NAV3: variants seen among roughly 807,000 people sequenced by gnomAD.
NAV3 encodes pore membrane and/or filament interacting like protein 1.
NAV3 carries 87 observed loss-of-function variants against 244.7 expected under a neutral mutation model. That is an observed-to-expected ratio of 0.36 (90% CI 0.30 to 0.42). NAV3 has a LOEUF of 0.42. Ranked by LOEUF, NAV3 falls within the 20% of genes least tolerant of loss-of-function variation. NAV3 has a pLI of 1.00. For missense variants in NAV3, 2,663 were observed against 2,893.3 expected, an observed-to-expected ratio of 0.92 and a Z score of 1.83; for synonymous variants, 1,126 against 1,042.2, an observed-to-expected ratio of 1.08 and a Z score of -1.55.
At chr12:77,751,473 C>T (rs1868850670) in intron 2 of NAV3, among the ~76,000 whole-genome samples, 1 of 152,138 alleles carries the variant, frequency 6.6e-6, no homozygotes, top group South Asian at 2.1e-4. Context: ...TCATGCTGTT[C>T]TCATGATAGT....
At chr12:77,628,218 A>G (rs1565743248) in intron 2 of NAV3, among the ~76,000 whole-genome samples, 2 of 152,234 alleles carry the variant, frequency 1.3e-5, no homozygotes, top group Admixed American at 6.5e-5. Flanking sequence ...CTCTGATGTG[A>G]TCATTACATA....
chr12:77,601,748 A>G (rs1870442354), intron 2 of NAV3, among the ~76,000 whole-genome samples: 1 of 151,976 alleles, frequency 6.6e-6, no homozygotes, highest in African/African-American at 2.4e-5. Context: ...TGAAGAATAG[A>G]CTGTGTCTTG....
intron 2 of NAV3, among the ~76,000 whole-genome samples, chr12:77,641,257 T>C (rs1872398666): frequency 6.6e-6 from 1 of 152,078 alleles, no homozygotes; most frequent in Non-Finnish European, 1.5e-5. Context: ...TTGGATGGTC[T>C]TGTCCTATGT....
intron 9 of NAV3, among the ~76,000 whole-genome samples, chr12:78,047,464 G>C (rs904373938): frequency 1.3e-5 from 2 of 152,108 alleles, no homozygotes; most frequent in Non-Finnish European, 2.9e-5. Flanking sequence ...TCCAGCCTGG[G>C]TGACAGAGCA....
intron 2 of NAV3, among the ~76,000 whole-genome samples, chr12:77,669,013 C>A (rs886709470): frequency 6.6e-6 from 1 of 152,148 alleles, no homozygotes; most frequent in Non-Finnish European, 1.5e-5. Flanking sequence ...TTAAACGAAA[C>A]AATTATCAGC....
intron 17 of NAV3, among the ~76,000 whole-genome samples, chr12:78,128,275 A>AC (rs1315161657): frequency 6.6e-6 from 1 of 151,402 alleles, no homozygotes; most frequent in Admixed American, 6.6e-5. Flanking sequence ...TTTAAAAAAA[A>AC]AAAAAAACAA....
rs1436613313 is a variant in NAV3 at position 78,122,185 on chromosome 12, G to T, written c.3995G>T (p.Ser1332Ile). Residue 1332 changes from serine (S) to isoleucine (I), a missense_variant, in exon 16 of 40, where the codon AGC becomes ATC. Ser to Ile is a moderately radical substitution (Grantham distance 142). Around this residue, in one of 6 missense-constraint regions of NAV3, gnomAD observed 354 missense variants for 413.0 expected, o/e 0.86. Transcript: ENST00000397909. ...AGCTTAAGTCACTCGTTGGCCTCCAGCCCAGCATCGGTTCACTCTTTCACA... is the reference window on the plus strand; with the variant it reads ...AGCTTAAGTCACTCGTTGGCCTCCATCCCAGCATCGGTTCACTCTTTCACA... ...VISLSHSLAS[S>I]PASVHSFTSG... 1 of 1,614,012 alleles carries T rather than the reference G, an allele frequency of 6.2e-7. No homozygotes were observed. Among genetic ancestry groups the T allele is most frequent in the Non-Finnish European group, 8.5e-7 (1 of 1,180,038 alleles).
intron 2 of NAV3, among the ~76,000 whole-genome samples, chr12:77,821,185 A>G (rs900892342): frequency 1.4e-4 from 21 of 152,134 alleles, no homozygotes; most frequent in African/African-American, 5.1e-4. Context: ...TTTTGAAGCT[A>G]TTGATGGGGT....
intron 31 of NAV3, 66 bp downstream of exon 31, chr12:78,185,764 A>T: frequency 1.5e-6 from 2 of 1,338,048 alleles, no homozygotes; most frequent in Non-Finnish European, 2.1e-6. Context: ...AGTGTATTTT[A>T]TGTGTGAATA....
chr12:78,055,718 C>T (rs1035118816), intron 11 of NAV3, among the ~76,000 whole-genome samples: 1 of 152,126 alleles, frequency 6.6e-6, no homozygotes, highest in African/African-American at 2.4e-5. Context: ...TTGTATGTAT[C>T]AGGCCTGGAA....
intron 2 of NAV3, among the ~76,000 whole-genome samples, chr12:77,777,978 T>G (rs1841425871): frequency 6.6e-6 from 1 of 151,976 alleles, no homozygotes; most frequent in African/African-American, 2.4e-5. Flanking sequence ...GCTAATTTTT[T>G]GTATCTTAGT....
chr12:78,082,875 C>T (rs1953430264), intron 12 of NAV3, among the ~76,000 whole-genome samples: 1 of 152,162 alleles, frequency 6.6e-6, no homozygotes, highest in African/African-American at 2.4e-5. Flanking sequence ...TGCCTCTCCC[C>T]TGAAGACTCC....
chr12:78,191,530 T>C (rs535156735), intron 34 of NAV3, among the ~76,000 whole-genome samples: 2 of 152,210 alleles, frequency 1.3e-5, no homozygotes, highest in African/African-American at 4.8e-5. Flanking sequence ...TAAAGCACAA[T>C]GGGATCTCTT....
intron 9 of NAV3, among the ~76,000 whole-genome samples, chr12:78,030,799 AAAG>A (rs1878848327): frequency 6.6e-6 from 1 of 152,234 alleles, no homozygotes; most frequent in African/African-American, 2.4e-5. Flanking sequence ...GCAGAACTTA[AAAG>A]AAGATCAGAC....
intron 2 of NAV3, among the ~76,000 whole-genome samples, chr12:77,776,172 C>A (rs908439111): frequency 2.0e-5 from 3 of 151,900 alleles, no homozygotes; most frequent in African/African-American, 7.3e-5. Flanking sequence ...CATTGAGAGC[C>A]AATGGAATAA....
chr12:77,651,918 A>G (rs1219062755), intron 2 of NAV3, among the ~76,000 whole-genome samples: 1 of 152,156 alleles, frequency 6.6e-6, no homozygotes, highest in Non-Finnish European at 1.5e-5. Flanking sequence ...TGTTTGGTCA[A>G]TTCTCCAACT....
intron 12 of NAV3, among the ~76,000 whole-genome samples, chr12:78,073,768 T>A (rs960554777): frequency 6.6e-6 from 1 of 152,218 alleles, no homozygotes; most frequent in East Asian, 1.9e-4. Flanking sequence ...GCTGGAGGCA[T>A]CACACTACCT....
chr12:78,198,513 C>T, intron 35 of NAV3, 92 bp from the exon 36 acceptor site: 1 of 695,904 alleles, frequency 1.4e-6, no homozygotes, highest in South Asian at 1.8e-5. Flanking sequence ...TGGAATAATC[C>T]ATATCTATCC....
chr12:78,145,133 A>C (rs748073189), intron 20 of NAV3: 2 of 242,484 alleles, frequency 8.2e-6, no homozygotes, highest in South Asian at 7.6e-5. Flanking sequence ...TAGGATCTAA[A>C]AAATAAAATC....
Sources: gnomAD v4.1 joint callset for allele counts (sites outside exome capture counted in the v4.1 genomes callset) on GRCh38, gnomAD v4.1.1 for gene constraint, gnomAD v4.1.1 regional missense constraint, MANE v1.5 for transcripts, NCBI Gene and HGNC (gene_info 2026-07-23, HGNC 2026-07-21) for gene names.